ADAMTS12: variants seen among roughly 807,000 people sequenced by gnomAD.
ADAMTS12 encodes the protein ADAM metallopeptidase with thrombospondin type 1 motif 12.
In ADAMTS12, 118 loss-of-function variants were observed where a neutral mutation model predicts 167.8. The observed-to-expected ratio is 0.70, with a 90% confidence interval of 0.61 to 0.82. The LOEUF is 0.82. ADAMTS12 is among the 40% of genes least tolerant of loss of function. The pLI is 0.00. For missense variants in ADAMTS12, 1,916 were observed against 1,998.8 expected (o/e 0.96, Z 0.79); for synonymous variants, 704 against 716.9 (o/e 0.98, Z 0.29).
At chr5:33,527,718 G>A (rs1311427244) in intron 23 of ADAMTS12, among the ~76,000 whole-genome samples, 2 of 152,166 alleles carry the variant, frequency 1.3e-5, no homozygotes, top group Non-Finnish European at 2.9e-5. Flanking sequence ...CACGATCTCT[G>A]CAGTGACTTG....
intron 12 of ADAMTS12, among the ~76,000 whole-genome samples, chr5:33,635,666 C>G (rs556808841): frequency 5.9e-5 from 9 of 152,196 alleles, no homozygotes; most frequent in Admixed American, 2.6e-4. Flanking sequence ...TAAAAGGATG[C>G]CTGGGAGGCT....
At chr5:33,687,240 A>G (rs1402625496) in intron 3 of ADAMTS12, among the ~76,000 whole-genome samples, 1 of 152,180 alleles carries the variant, frequency 6.6e-6, no homozygotes, top group African/African-American at 2.4e-5. Context: ...AAATTTTTCA[A>G]CAAAACCTAC....
intron 8 of ADAMTS12, among the ~76,000 whole-genome samples, chr5:33,649,289 T>C (rs1740790196): frequency 2.6e-5 from 4 of 152,234 alleles, no homozygotes; most frequent in Admixed American, 6.5e-5. Flanking sequence ...TAATTCATAA[T>C]TGGCTCATAG....
chr5:33,836,140 C>T (rs189880558), intron 2 of ADAMTS12, among the ~76,000 whole-genome samples: 1 of 152,264 alleles, frequency 6.6e-6, no homozygotes, highest in Admixed American at 6.5e-5. Flanking sequence ...AAGCCCAATG[C>T]GTGTGAGCAC....
At chr5:33,784,672 C>T (rs561079975) in intron 2 of ADAMTS12, among the ~76,000 whole-genome samples, 4 of 151,906 alleles carry the variant, frequency 2.6e-5, no homozygotes, top group African/African-American at 9.6e-5. Context: ...ATGTACAAAA[C>T]ATTACCGAGA....
At chr5:33,770,274 G>T (rs1745689049) in intron 2 of ADAMTS12, among the ~76,000 whole-genome samples, 1 of 152,168 alleles carries the variant, frequency 6.6e-6, no homozygotes, top group Admixed American at 6.5e-5. Context: ...AATCTGTGGG[G>T]AGTAAGAGAT....
chr5:33,753,507 A>C (rs1745071143), intron 2 of ADAMTS12, among the ~76,000 whole-genome samples: 1 of 152,208 alleles, frequency 6.6e-6, no homozygotes, highest in African/African-American at 2.4e-5. Context: ...CTATGGAAAC[A>C]AAGCAGAAGT....
intron 20 of ADAMTS12, among the ~76,000 whole-genome samples, chr5:33,551,830 G>A (rs1168595481): frequency 6.6e-6 from 1 of 152,196 alleles, no homozygotes; most frequent in African/African-American, 2.4e-5. Context: ...CAAGAGGGAA[G>A]TGACAGCATA....
chr5:33,716,981 T>C (rs1743638700), intron 3 of ADAMTS12, among the ~76,000 whole-genome samples: 1 of 152,132 alleles, frequency 6.6e-6, no homozygotes, highest in African/African-American at 2.4e-5. Flanking sequence ...GCAGAATCCT[T>C]ATTTTATTGG....
chr5:33,818,287 C>T (rs1747742793), intron 2 of ADAMTS12, among the ~76,000 whole-genome samples: 1 of 152,040 alleles, frequency 6.6e-6, no homozygotes. Context: ...CCCCATCCCC[C>T]TGATGACCAC....
chr5:33,539,838 T>C lies in ADAMTS12; in HGVS notation c.4447-4846A>G, dbSNP rs138766794. Among the ~76,000 whole-genome samples, 1,438 of 152,290 alleles carry C rather than the reference T, an allele frequency of 9.4e-3. 23 individuals are homozygous for C. The highest frequency in any genetic ancestry group is 0.033 in the African/African-American group (1,379 of 41,558). ...GCTAAAGTAGATTGAGGTTCCAAGATGGCTGAATAGGAAGAGCTCTGGTCT... is the reference window on the plus strand; with the variant it reads ...GCTAAAGTAGATTGAGGTTCCAAGACGGCTGAATAGGAAGAGCTCTGGTCT... On this transcript the variant is annotated intron_variant, in intron 22 of 23. Coordinates refer to ENST00000504830, the MANE Select transcript of ADAMTS12 (RefSeq NM_030955.4).
chr5:33,884,177 G>A (rs143469912), intron 1 of ADAMTS12, among the ~76,000 whole-genome samples: 1 of 152,262 alleles, frequency 6.6e-6, no homozygotes, highest in African/African-American at 2.4e-5. Context: ...GCTCCCTTCA[G>A]GTCCCTCAAT....
intron 2 of ADAMTS12, among the ~76,000 whole-genome samples, chr5:33,831,533 T>C (rs1001080128): frequency 1.3e-5 from 2 of 152,190 alleles, no homozygotes; most frequent in African/African-American, 2.4e-5. Context: ...TTACTGCATT[T>C]TGAGAACTAA....
intron 5 of ADAMTS12, among the ~76,000 whole-genome samples, chr5:33,677,708 G>T (rs1015807541): frequency 6.6e-6 from 1 of 152,150 alleles, no homozygotes; most frequent in African/African-American, 2.4e-5. Flanking sequence ...GAGCAAGCTG[G>T]CTCCCATCTG....
At chr5:33,737,515 T>C (rs961689330) in intron 3 of ADAMTS12, among the ~76,000 whole-genome samples, 2 of 152,218 alleles carry the variant, frequency 1.3e-5, no homozygotes, top group East Asian at 1.9e-4. Context: ...AATGTGAATA[T>C]ACAAACACTA....
In ADAMTS12 at chr5:33,764,273, A is replaced by G. The variant is rs185247479; in HGVS notation, c.490-12725T>C. Reference sequence around the variant, plus strand: ...CATGATGAAAAATCTGAGTCCTTATAATTTCTGTTCATCATCTTAGTTCTG... The same window carrying G: ...CATGATGAAAAATCTGAGTCCTTATGATTTCTGTTCATCATCTTAGTTCTG... On this transcript the variant is annotated intron_variant, in intron 2 of 23. Coordinates refer to ENST00000504830, the MANE Select transcript of ADAMTS12 (RefSeq NM_030955.4). Among the ~76,000 whole-genome samples, 394 of 152,314 alleles carry G rather than the reference A, an allele frequency of 2.6e-3. 3 individuals are homozygous for G. Among genetic ancestry groups the G allele is most frequent in the African/African-American group, 9.0e-3 (373 of 41,572 alleles).
chr5:33,855,186 T>C (rs1344459207), intron 2 of ADAMTS12, among the ~76,000 whole-genome samples: 5 of 152,352 alleles, frequency 3.3e-5, no homozygotes, highest in African/African-American at 1.2e-4. Context: ...ATTTTCCATC[T>C]GGGCCAAGAA....
chr5:33,567,254 A>G (rs1234170363), intron 19 of ADAMTS12, among the ~76,000 whole-genome samples: 1 of 152,148 alleles, frequency 6.6e-6, no homozygotes, highest in African/African-American at 2.4e-5. Flanking sequence ...TGTTTGACCT[A>G]GGCTGTCTTA....
intron 20 of ADAMTS12, among the ~76,000 whole-genome samples, chr5:33,559,455 T>G (rs1316556200): frequency 1.3e-5 from 2 of 152,222 alleles, no homozygotes; most frequent in African/African-American, 4.8e-5. Context: ...TTAGGCCTAG[T>G]TAGTGTCTCA....
Sources: gnomAD v4.1 joint callset for allele counts (sites outside exome capture counted in the v4.1 genomes callset) on GRCh38, gnomAD v4.1.1 for gene constraint, MANE v1.5 for transcripts, NCBI Gene and HGNC (gene_info 2026-07-23, HGNC 2026-07-21) for gene names.